Variants in DOCK10 observed in about 807,000 individuals in gnomAD.
DOCK10 encodes dedicator of cytokinesis 10.
DOCK10 carries 145 observed loss-of-function variants against 280.1 expected under a neutral mutation model. The ratio of observed to expected loss-of-function variants is 0.52; its 90% confidence interval spans 0.45 to 0.59. The LOEUF is 0.59. DOCK10 is among the 20% of genes least tolerant of loss of function. DOCK10 has a pLI of 0.00. For synonymous variants in DOCK10, 915 were observed against 942.2 expected, an observed-to-expected ratio of 0.97 and a Z score of 0.53; for missense variants, 2,368 against 2,651.7, an observed-to-expected ratio of 0.89 and a Z score of 2.35.
chr2:224,960,473 T>C (rs2126160222), intron 1 of DOCK10, among the ~76,000 whole-genome samples: 1 of 152,320 alleles, frequency 6.6e-6, no homozygotes, highest in South Asian at 2.1e-4. Context: ...GCAGGTGCTG[T>C]GATGAGAGAT....
intron 1 of DOCK10, among the ~76,000 whole-genome samples, chr2:224,948,272 G>A (rs1311460983): frequency 6.6e-6 from 1 of 152,204 alleles, no homozygotes; most frequent in African/African-American, 2.4e-5. Flanking sequence ...AGACTGAGAA[G>A]ACCTTCTTTT....
At chr2:224,983,949 C>T (rs1221377386) in intron 1 of DOCK10, 3 of 456,544 alleles carry the variant, frequency 6.6e-6, no homozygotes, top group African/African-American at 2.0e-5. Context: ...AGAGAGGCTA[C>T]GACTTAGCCT....
intron 2 of DOCK10, among the ~76,000 whole-genome samples, chr2:224,923,786 A>G (rs4673125): frequency 0.011 from 1,693 of 152,320 alleles, 37 homozygotes; most frequent in African/African-American, 0.039. Context: ...CAGGTTTTGT[A>G]TAGGTGCCAG....
chr2:224,888,763 T>C (rs1213775008), intron 4 of DOCK10, among the ~76,000 whole-genome samples: 2 of 151,906 alleles, frequency 1.3e-5, no homozygotes, highest in African/African-American at 2.4e-5. Flanking sequence ...TGAATATATA[T>C]GTGTATGTAT....
chr2:225,028,162 T>C lies in DOCK10; in HGVS notation c.123+14090A>G, dbSNP rs370185895. On this transcript the variant is annotated intron_variant, in intron 1 of 55. Coordinates refer to ENST00000258390, the MANE Select transcript of DOCK10 (RefSeq NM_014689.3). ...AGATGGAAGACCTGCAGATGGGAGA[T>C]TGTCCTGGATTATCTAGGTGGCCCA... Among the ~76,000 whole-genome samples, 71 of 152,252 alleles carry C rather than the reference T, an allele frequency of 4.7e-4. 2 individuals are homozygous for C. In the South Asian group the frequency reaches 0.015, roughly 31 times the overall value.
At chr2:224,913,842 C>G (rs1025756147) in intron 3 of DOCK10, among the ~76,000 whole-genome samples, 1 of 152,144 alleles carries the variant, frequency 6.6e-6, no homozygotes, top group Non-Finnish European at 1.5e-5. Flanking sequence ...ATTCTCTGGC[C>G]TCCCCCTGCT....
chr2:224,907,629 A>G (rs1262848375), intron 3 of DOCK10, among the ~76,000 whole-genome samples: 6 of 151,318 alleles, frequency 4.0e-5, no homozygotes, highest in African/African-American at 1.5e-4. Context: ...CGGAGCTTGC[A>G]GAGAGCTGAG....
rs766580322 is a variant in DOCK10 at position 224,774,915 on chromosome 2, C to T, written c.6003G>A (p.Thr2001=). ...GGVAEQCKRR[T]ILTTSHLFPY... is the part of the protein sequence containing the mutation. ...GCTACCTGCACCTACTTGTCAGGAT[C>T]GTCCGCCGCTTGCACTGCTCCGCCA... Residue 2001 remains threonine, a synonymous_variant, in exon 52 of 56, where the codon ACG becomes ACA. Coordinates refer to ENST00000258390, the MANE Select transcript of DOCK10 (RefSeq NM_014689.3). The T allele has an allele frequency of 5.7e-6, 9 of 1,591,400 alleles. No individual in the cohort carries two copies. Among genetic ancestry groups the T allele is most frequent in the East Asian group, 2.3e-5 (1 of 43,808 alleles).
chr2:224,874,647 A>G lies in DOCK10; in HGVS notation c.1017+19T>C. The G allele has an allele frequency of 1.2e-6, 2 of 1,609,248 alleles. No individual in the cohort carries two copies. Among genetic ancestry groups the G allele is most frequent in the Non-Finnish European group, 1.7e-6 (2 of 1,175,658 alleles). Reference sequence around the variant, plus strand: ...AATAATTCAAATTGGTTTTGCAAGTACAATGCCAACTTTATTACCTTTGCA... The same window carrying G: ...AATAATTCAAATTGGTTTTGCAAGTGCAATGCCAACTTTATTACCTTTGCA... On this transcript the variant is annotated intron_variant, in intron 9 of 55. Coordinates refer to ENST00000258390, the MANE Select transcript of DOCK10 (RefSeq NM_014689.3).
In DOCK10 at chr2:224,830,629, G is replaced by A; in HGVS notation, c.2965-17C>T. 1 of 1,485,482 alleles carries A rather than the reference G, an allele frequency of 6.7e-7. No individual in the cohort carries two copies. Among genetic ancestry groups the A allele is most frequent in the Non-Finnish European group, 9.1e-7 (1 of 1,099,544 alleles). The allele number at this position is 1,485,482 out of a possible 1,614,324, so 92.0% of individuals were successfully genotyped here. ...CCAGGAATGCTGTTGGGAAAAAAAA[G>A]GCAACGAGACATTTATTATCCTATG... is the stretch of plus-strand genomic sequence containing the variant. On this transcript the variant is annotated splice_polypyrimidine_tract_variant and intron_variant, in intron 26 of 55. Coordinates refer to ENST00000258390, the MANE Select transcript of DOCK10 (RefSeq NM_014689.3).
At chr2:224,807,849 T>G in intron 32 of DOCK10, 62 bp downstream of exon 32, 2 of 1,578,834 alleles carry the variant, frequency 1.3e-6, no homozygotes. Flanking sequence ...CGGTTTCATA[T>G]GCATTTAATG....
In DOCK10 at chr2:224,845,085, G is replaced by C. The variant is rs540760787; in HGVS notation, c.2481+118C>G. ...CAAGAGATGTGGCATAGGTACACTT[G>C]ATTCATAGCTACAAGGGACATGTCC... On this transcript the variant is annotated intron_variant, in intron 21 of 55. Transcript: ENST00000258390. The C allele has an allele frequency of 3.5e-5, 39 of 1,103,766 alleles. No individual in the cohort carries two copies. The African/African-American group carries it at 5.7e-4, about 16-fold the overall frequency. The allele number at this position is 1,103,766 out of a possible 1,614,324, so 68.4% of individuals were successfully genotyped here.
Position 224,805,246 on chromosome 2 carries a change from G to A in DOCK10, c.4011C>T (p.Leu1337=), listed in dbSNP as rs1480577454. ...TCATAATGTGAAGAAAACACATCAG[G>A]AGACTCCTGGTTTCTGCTTGATCTA... ...DKLDQAETRS[L]LMCFLHIMKT... is the part of the protein sequence containing the mutation. The change falls in exon 36 of 56, where the codon CTC becomes CTT. Residue 1337 remains leucine, a synonymous_variant. Coordinates refer to ENST00000258390, the MANE Select transcript of DOCK10 (RefSeq NM_014689.3). This position sits in a 1 kb window ranked among gnomAD's most constrained non-coding sequence, Gnocchi z 4.3. 4 of 1,613,048 alleles carry A rather than the reference G, an allele frequency of 2.5e-6. No individual in the cohort carries two copies. The South Asian group carries it at 4.4e-5, about 18-fold the overall frequency.
chr2:224,928,451 A>G (rs1308383370), intron 2 of DOCK10, among the ~76,000 whole-genome samples: 2 of 152,220 alleles, frequency 1.3e-5, no homozygotes, highest in African/African-American at 4.8e-5. Flanking sequence ...TTGAAATATC[A>G]TCTTTTTTTC....
intron 3 of DOCK10, among the ~76,000 whole-genome samples, chr2:224,912,355 A>G (rs7565088): frequency 0.57 from 86,499 of 151,720 alleles, 25,421 homozygotes; most frequent in Non-Finnish European, 0.64. Flanking sequence ...GGCTGGTCTC[A>G]AACTCCTGAG....
chr2:224,770,191 G>C lies in DOCK10; in HGVS notation c.6444+20C>G. Reference sequence around the variant, plus strand: ...GACTTTCTGTCCACTGATAGCGCGTGTGCACCAAGGAGCGCTCACCTGCTC... The same window carrying C: ...GACTTTCTGTCCACTGATAGCGCGTCTGCACCAAGGAGCGCTCACCTGCTC... On this transcript the variant is annotated intron_variant, in intron 55 of 55. Coordinates refer to ENST00000258390, the MANE Select transcript of DOCK10 (RefSeq NM_014689.3). The surrounding 1 kb of genome is among the most constrained non-coding windows in gnomAD (Gnocchi z 4.5). 1 of 1,527,178 alleles carries C rather than the reference G, an allele frequency of 6.5e-7. No individual in the cohort carries two copies. The highest frequency in any genetic ancestry group is 1.4e-5 in the African/African-American group (1 of 72,408). The allele number at this position is 1,527,178 out of a possible 1,614,324, so 94.6% of individuals were successfully genotyped here. A position where few individuals can be genotyped will look rare whatever the true frequency, so the allele number is the denominator to read the frequency against.
At chr2:225,035,563 T>TA (rs1690218760) in intron 1 of DOCK10, among the ~76,000 whole-genome samples, 1 of 55,910 alleles carries the variant, frequency 1.8e-5, no homozygotes, top group Non-Finnish European at 4.4e-5. Context: ...TATATATATA[T>TA]ATATATATAT....
rs566154997 is a variant in DOCK10, at chr2:224,902,987, A to G, written c.334-6610T>C. ...GTGGCAGGCGCCTGTAGTCCCAGCT[A>G]CTCGGGAGGCTGAGGCGGGAGAACG... On this transcript the variant is annotated intron_variant, in intron 3 of 55. Coordinates refer to ENST00000258390, the MANE Select transcript of DOCK10 (RefSeq NM_014689.3). Among the ~76,000 whole-genome samples the G allele has an allele frequency of 2.0e-5, 3 of 151,518 alleles. No homozygotes were observed. In the East Asian group the frequency reaches 5.8e-4, roughly 29 times the overall value.
At chr2:225,028,913 A>T (rs1025423086) in intron 1 of DOCK10, among the ~76,000 whole-genome samples, 2 of 152,256 alleles carry the variant, frequency 1.3e-5, no homozygotes, top group Non-Finnish European at 2.9e-5. Context: ...GCCCAGGTTA[A>T]GCGAATGTGT....
Sources: gnomAD v4.1 joint callset for allele counts (sites outside exome capture counted in the v4.1 genomes callset) on GRCh38, gnomAD v4.1.1 for gene constraint, Gnocchi (gnomAD v3.1) non-coding constraint, MANE v1.5 for transcripts, NCBI Gene and HGNC (gene_info 2026-07-23, HGNC 2026-07-21) for gene names.